SLC35F3: variants seen among roughly 807,000 people sequenced by gnomAD.
The protein encoded by SLC35F3 is solute carrier family 35 member F3, also known as putative thiamine transporter SLC35F3.
In SLC35F3, 25 loss-of-function variants were observed where a neutral mutation model predicts 49.9. The observed-to-expected ratio is 0.50, with a 90% CI of 0.37 to 0.70. The LOEUF (loss-of-function observed/expected upper bound fraction) is 0.70. SLC35F3 is among the 30% of genes least tolerant of loss of function. SLC35F3 has a pLI of 0.00. For missense variants in SLC35F3, 525 were observed against 639.8 expected (o/e 0.82, Z 1.94); for synonymous variants, 275 against 265.4 (o/e 1.04, Z -0.35).
intron 2 of SLC35F3, among the ~76,000 whole-genome samples, chr1:233,944,733 G>GGA (rs1337307294): frequency 6.6e-6 from 1 of 152,194 alleles, no homozygotes; most frequent in Non-Finnish European, 1.5e-5. Flanking sequence ...TAACAGCAGA[G>GGA]GAGAAACAAA....
chr1:234,153,439 A>G (rs1339306568), intron 2 of SLC35F3, among the ~76,000 whole-genome samples: 1 of 152,028 alleles, frequency 6.6e-6, no homozygotes, highest in African/African-American at 2.4e-5. Context: ...CGAGACTCTC[A>G]TCTCTACAAA....
chr1:234,171,677 A>C (rs2102919128), intron 2 of SLC35F3, among the ~76,000 whole-genome samples: 1 of 152,278 alleles, frequency 6.6e-6, no homozygotes, highest in East Asian at 1.9e-4. Context: ...GAAGGGTAGG[A>C]GGAAAGAGAG....
At chr1:233,989,959 T>C (rs2102826544) in intron 2 of SLC35F3, among the ~76,000 whole-genome samples, 1 of 152,294 alleles carries the variant, frequency 6.6e-6, no homozygotes, top group African/African-American at 2.4e-5. Flanking sequence ...CATGTCTTTG[T>C]ATAGAATATT....
chr1:233,965,253 T>C (rs1011686822), intron 2 of SLC35F3, among the ~76,000 whole-genome samples: 24 of 152,196 alleles, frequency 1.6e-4, no homozygotes, highest in Non-Finnish European at 2.5e-4. Flanking sequence ...GATATACACA[T>C]ATTCTTTGGT....
At chr1:234,001,131 C>G (rs1204461587) in intron 2 of SLC35F3, among the ~76,000 whole-genome samples, 1 of 152,180 alleles carries the variant, frequency 6.6e-6, no homozygotes, top group South Asian at 2.1e-4. Flanking sequence ...AGGGATGATG[C>G]CTATGGCTGG....
At chr1:233,912,101 A>G (rs1011374592) in intron 2 of SLC35F3, among the ~76,000 whole-genome samples, 3 of 152,096 alleles carry the variant, frequency 2.0e-5, no homozygotes, top group African/African-American at 7.2e-5. Context: ...AGGGGTGTCC[A>G]CTTAGTTTTT....
In SLC35F3 at chr1:233,955,750, A is replaced by C. The variant is rs73098428; in HGVS notation, c.283+49992A>C. Among the ~76,000 whole-genome samples, 810 of 149,454 alleles carry C rather than the reference A, an allele frequency of 5.4e-3. 4 individuals carry two copies. Among genetic ancestry groups the C allele is most frequent in the African/African-American group, 0.019 (771 of 40,784 alleles). The stretch of plus-strand genomic sequence containing the variant: ...TCTGTTCCTGTGACTTCTCTACTTG[A>C]AAATCTCACGAACTGTTTTTTTTTT... On this transcript the variant is annotated intron_variant, in intron 2 of 7. Transcript: ENST00000366618.
intron 3 of SLC35F3, among the ~76,000 whole-genome samples, chr1:234,245,550 T>G (rs1667617445): frequency 6.6e-6 from 1 of 152,266 alleles, no homozygotes; most frequent in Non-Finnish European, 1.5e-5. Context: ...CTATTACTCT[T>G]TAACAAACTA....
intron 3 of SLC35F3, among the ~76,000 whole-genome samples, chr1:234,288,343 A>T (rs886328480): frequency 6.6e-6 from 1 of 152,238 alleles, no homozygotes; most frequent in South Asian, 2.1e-4. Flanking sequence ...GGCTGAATTC[A>T]ATCTATAAAA....
intron 2 of SLC35F3, among the ~76,000 whole-genome samples, chr1:233,955,811 G>T (rs1331926628): frequency 1.1e-4 from 16 of 147,550 alleles, no homozygotes; most frequent in Non-Finnish European, 1.6e-4. Context: ...TGTCTCCCAG[G>T]CTGGTCTTTG....
chr1:234,031,487 G>A (rs9435543), intron 2 of SLC35F3, among the ~76,000 whole-genome samples: 37,692 of 152,072 alleles, frequency 0.25, 9,610 homozygotes, highest in African/African-American at 0.64. Flanking sequence ...TATTGCTCCA[G>A]CATTAACATT....
In SLC35F3 at chr1:233,941,500, A is replaced by C. The variant is rs111513691; in HGVS notation, c.283+35742A>C. Among the ~76,000 whole-genome samples the C allele has an allele frequency of 3.3e-3, 501 of 152,318 alleles. 2 individuals are homozygous for C. The highest frequency in any genetic ancestry group is 0.011 in the African/African-American group (466 of 41,580). ...GGCAGGGGTCATCTTGCTGTGCACT[A>C]TGGTACCTGGGCGTCTAAAACAGTG... On this transcript the variant is annotated intron_variant, in intron 2 of 7. Coordinates refer to ENST00000366618, the MANE Select transcript of SLC35F3 (RefSeq NM_173508.4).
chr1:234,151,998 T>C (rs1188247622), intron 2 of SLC35F3, among the ~76,000 whole-genome samples: 2 of 151,772 alleles, frequency 1.3e-5, no homozygotes, highest in Non-Finnish European at 2.9e-5. Flanking sequence ...CCTTTTTTTT[T>C]ATCATTTCAT....
At chr1:234,234,856 A>T (rs560084846) in intron 3 of SLC35F3, among the ~76,000 whole-genome samples, 1 of 152,302 alleles carries the variant, frequency 6.6e-6, no homozygotes, top group African/African-American at 2.4e-5. Flanking sequence ...TGATCAAATG[A>T]CACGCTGTAT....
intron 2 of SLC35F3, among the ~76,000 whole-genome samples, chr1:234,126,198 C>G (rs576101150): frequency 7.4e-4 from 113 of 152,304 alleles, no homozygotes; most frequent in African/African-American, 2.6e-3. Context: ...ACGCATCTCT[C>G]TCTACCCAAG....
chr1:234,032,555 T>A (rs1298667635), intron 2 of SLC35F3, among the ~76,000 whole-genome samples: 1 of 152,196 alleles, frequency 6.6e-6, no homozygotes, highest in Non-Finnish European at 1.5e-5. Flanking sequence ...ATTATTCTTA[T>A]GCCTTTATGT....
chr1:234,042,778 A>T (rs9435496), intron 2 of SLC35F3, among the ~76,000 whole-genome samples: 116,657 of 152,036 alleles, frequency 0.77, 45,601 homozygotes, highest in African/African-American at 0.92. Flanking sequence ...CCTTTTTTTC[A>T]TTCCTTGTGT....
chr1:234,069,992 T>C (rs1664688603), intron 2 of SLC35F3, among the ~76,000 whole-genome samples: 1 of 152,172 alleles, frequency 6.6e-6, no homozygotes. Flanking sequence ...TGTGCTCTAA[T>C]CTCATACAGA....
Position 233,957,532 on chromosome 1 carries a change from T to C in SLC35F3, c.283+51774T>C, listed in dbSNP as rs1662725550. Among the ~76,000 whole-genome samples the C allele has an allele frequency of 6.6e-6, 1 of 152,162 alleles. No homozygotes were observed. The highest frequency in any genetic ancestry group is 1.5e-5 in the Non-Finnish European group (1 of 68,022). ...AATTTAGTGGCATAAATACAATAAC[T>C]GGCTGTGTGTGGTGGCTCGTGCCTG... On this transcript the variant is annotated intron_variant, in intron 2 of 7. Transcript: ENST00000366618. The surrounding 1 kb of genome is among the most constrained non-coding windows in gnomAD (Gnocchi z 4.0).
Sources: gnomAD v4.1 joint callset for allele counts (sites outside exome capture counted in the v4.1 genomes callset) on GRCh38, gnomAD v4.1.1 for gene constraint, Gnocchi (gnomAD v3.1) non-coding constraint, MANE v1.5 for transcripts, NCBI Gene and HGNC (gene_info 2026-07-23, HGNC 2026-07-21) for gene names.